ASAP2: variants seen among roughly 807,000 people sequenced by gnomAD.
The protein encoded by ASAP2 is arf-GAP with SH3 domain, ANK repeat and PH domain-containing protein 2.
ASAP2 carries 45 observed loss-of-function variants against 131.4 expected under a neutral mutation model. The ratio of observed to expected loss-of-function variants is 0.34; its 90% CI spans 0.27 to 0.44. The LOEUF (loss-of-function observed/expected upper bound fraction) is 0.44. Ranked by LOEUF, ASAP2 falls within the 20% of genes least tolerant of loss-of-function variation. The pLI is 1.00. For missense variants in ASAP2, 1,011 were observed against 1,297.0 expected, an observed-to-expected ratio of 0.78 and a Z score of 3.39; for synonymous variants, 510 against 503.0, an observed-to-expected ratio of 1.01 and a Z score of -0.19.
chr2:9,237,212 G>T (rs569600787), intron 1 of ASAP2, among the ~76,000 whole-genome samples: 1 of 152,044 alleles, frequency 6.6e-6, no homozygotes, highest in African/African-American at 2.4e-5. Context: ...ACATTTTGAT[G>T]GTTAATGTTG....
chr2:9,380,632 C>A, intron 19 of ASAP2, 109 bp from the exon 20 acceptor site: 1 of 1,000,832 alleles, frequency 1.0e-6, no homozygotes, highest in Non-Finnish European at 1.6e-6. Context: ...ATTAACCAGG[C>A]CCAATTTAAT....
chr2:9,275,085 T>TTTTG (rs202130478), intron 1 of ASAP2, among the ~76,000 whole-genome samples: 51 of 122,016 alleles, frequency 4.2e-4, no homozygotes, highest in East Asian at 6.7e-4. Flanking sequence ...TTTGTCTGTT[T>TTTTG]TTTTTTTTTT....
intron 12 of ASAP2, among the ~76,000 whole-genome samples, chr2:9,354,656 AAAAAAG>A (rs1054074166): frequency 2.0e-5 from 3 of 152,114 alleles, no homozygotes; most frequent in African/African-American, 2.4e-5. Flanking sequence ...AAAAAAAAAA[AAAAAAG>A]AAAAAGAAAA....
At chr2:9,262,431 A>G (rs923284150) in intron 1 of ASAP2, among the ~76,000 whole-genome samples, 1 of 152,202 alleles carries the variant, frequency 6.6e-6, no homozygotes, top group Non-Finnish European at 1.5e-5. Context: ...TGGCAGACAC[A>G]TAAGCATTGG....
chr2:9,349,496 G>T (rs1031115218), intron 11 of ASAP2, among the ~76,000 whole-genome samples: 4 of 152,184 alleles, frequency 2.6e-5, no homozygotes, highest in Non-Finnish European at 5.9e-5. Flanking sequence ...CACGATCAGT[G>T]GTGCTTTCAC....
intron 4 of ASAP2, among the ~76,000 whole-genome samples, 189 bp downstream of exon 4, chr2:9,318,787 C>T (rs1056446367): frequency 3.3e-5 from 5 of 152,196 alleles, no homozygotes; most frequent in African/African-American, 1.2e-4. Context: ...GACTTCTGGC[C>T]TTTCTGGCCG....
intron 19 of ASAP2, among the ~76,000 whole-genome samples, chr2:9,379,790 C>G (rs891204099): frequency 6.6e-6 from 1 of 151,994 alleles, no homozygotes; most frequent in African/African-American, 2.4e-5. Flanking sequence ...GTCAAGAGAT[C>G]GAGACCATCT....
intron 1 of ASAP2, among the ~76,000 whole-genome samples, chr2:9,219,785 T>G (rs1040744575): frequency 6.6e-6 from 1 of 152,228 alleles, no homozygotes; most frequent in African/African-American, 2.4e-5. Flanking sequence ...CACAAAGTTG[T>G]GTAGCCATCA....
intron 16 of ASAP2, among the ~76,000 whole-genome samples, chr2:9,373,081 C>T (rs1324106863): frequency 6.6e-6 from 1 of 152,154 alleles, no homozygotes. Context: ...TCAGCCAGCA[C>T]CGCAGTGAGC....
At chr2:9,239,702 T>A (rs530562431) in intron 1 of ASAP2, among the ~76,000 whole-genome samples, 4 of 152,260 alleles carry the variant, frequency 2.6e-5, no homozygotes, top group African/African-American at 9.6e-5. Context: ...TTGTTGTCGT[T>A]GTTGTTGAAA....
chr2:9,332,459 G>A (rs1670907689), intron 7 of ASAP2, among the ~76,000 whole-genome samples: 4 of 152,134 alleles, frequency 2.6e-5, no homozygotes. Flanking sequence ...AGATTGGCTG[G>A]GCTATTACAG....
rs2148583318 is a variant in ASAP2 at position 9,339,410 on chromosome 2, A to T, written c.849+4231A>T. ...CATGTCATGGTCTCCCCGTCTGTCAAATAGGAATAATACAGCCAACCTCAG... is the reference window on the plus strand; with the variant it reads ...CATGTCATGGTCTCCCCGTCTGTCATATAGGAATAATACAGCCAACCTCAG... On this transcript the variant is annotated intron_variant, in intron 9 of 27. Transcript: ENST00000281419. Among the ~76,000 whole-genome samples, 2 of 152,266 alleles carry T rather than the reference A, an allele frequency of 1.3e-5. 1 individual carries two copies. Among genetic ancestry groups the T allele is most frequent in the South Asian group, 4.2e-4 (2 of 4,814 alleles).
chr2:9,261,194 G>T lies in ASAP2; in HGVS notation c.127-18123G>T, dbSNP rs148216100. 1.7e-3 allele frequency among the ~76,000 whole-genome samples: 259 copies of T among 152,302 alleles called. 2 individuals carry two copies. Among genetic ancestry groups the T allele is most frequent in the Non-Finnish European group, 2.7e-3 (185 of 68,030 alleles). ...AGGGTTTAGAGAAAGCAGGGGTAAT[G>T]CCGGGTGGTTATTTTCCCCAAATGT... On this transcript the variant is annotated intron_variant, in intron 1 of 27. Transcript: ENST00000281419.
chr2:9,225,207 T>G (rs1662675724), intron 1 of ASAP2, among the ~76,000 whole-genome samples: 3 of 152,258 alleles, frequency 2.0e-5, no homozygotes, highest in Admixed American at 6.5e-5. Context: ...ATTTATCATC[T>G]GCTCCTTTAT....
At position 9,358,777 on chromosome 2, in the gene ASAP2, A is replaced by G. The variant is rs780512938; in HGVS notation, c.1349A>G (p.Asn450Ser). The part of the protein sequence containing the change: ...GAPDPTWLST[N>S]LGILTCIECS... ...GCAGATCCTACATGGCTTTCCACCA[A>G]CCTGGGCATCCTGACCTGCATCGAG... The change falls in exon 15 of 28, where the codon AAC becomes AGC. Residue 450 changes from asparagine (N) to serine (S), a missense_variant. By Grantham distance (46) the Asn-to-Ser change is conservative. Transcript: ENST00000281419. 3 of 1,613,312 alleles carry G rather than the reference A, an allele frequency of 1.9e-6. No individual in the cohort carries two copies. The highest frequency in any genetic ancestry group is 1.7e-5 in the Admixed American group (1 of 59,966).
chr2:9,373,197 C>T (rs1485643264), intron 16 of ASAP2, among the ~76,000 whole-genome samples: 1 of 152,142 alleles, frequency 6.6e-6, no homozygotes, highest in Non-Finnish European at 1.5e-5. Flanking sequence ...GGAGCCGGAG[C>T]AGGAGGGAGG....
At chr2:9,348,252 G>A (rs934492830) in intron 11 of ASAP2, among the ~76,000 whole-genome samples, 5 of 152,144 alleles carry the variant, frequency 3.3e-5, no homozygotes, top group Non-Finnish European at 7.3e-5. Context: ...AAGTAGCTGG[G>A]ACTGCAGGTG....
At chr2:9,312,181 C>T (rs1669345429) in intron 3 of ASAP2, among the ~76,000 whole-genome samples, 1 of 152,196 alleles carries the variant, frequency 6.6e-6, no homozygotes, top group Non-Finnish European at 1.5e-5. Flanking sequence ...TACAGTTAAT[C>T]CCATCTTCCC....
At chr2:9,248,456 A>G (rs1486995387) in intron 1 of ASAP2, among the ~76,000 whole-genome samples, 1 of 151,968 alleles carries the variant, frequency 6.6e-6, no homozygotes, top group Non-Finnish European at 1.5e-5. Flanking sequence ...TAGAGAGGAT[A>G]GAACACGGGC....
Sources: gnomAD v4.1 joint callset for allele counts (sites outside exome capture counted in the v4.1 genomes callset) on GRCh38, gnomAD v4.1.1 for gene constraint, MANE v1.5 for transcripts, NCBI Gene and HGNC (gene_info 2026-07-23, HGNC 2026-07-21) for gene names.